The following PARD3B variants were observed in gnomAD, a reference collection of about 807,000 sequenced individuals.
PARD3B encodes the protein par-3 family cell polarity regulator beta, also known as partitioning defective 3 homolog B.
A neutral mutation model predicts 130.2 loss-of-function variants in PARD3B; 103 were observed. The observed-to-expected ratio is 0.79, with a 90% CI of 0.67 to 0.93. PARD3B has a LOEUF of 0.93. Ranked by LOEUF, PARD3B falls within the 40% of genes least tolerant of loss-of-function variation. The probability of loss-of-function intolerance (pLI) is 0.00; values close to 1 mark genes in which losing one functional copy is unlikely to be tolerated. For missense variants in PARD3B, 1,609 were observed against 1,499.2 expected (o/e 1.07, Z -1.21); for synonymous variants, 583 against 553.2 (o/e 1.05, Z -0.76).
chr2:204,957,193 A>G (rs923604153), intron 2 of PARD3B, among the ~76,000 whole-genome samples: 2 of 152,208 alleles, frequency 1.3e-5, no homozygotes, highest in African/African-American at 4.8e-5. Context: ...AAAAAATGTG[A>G]TTCAATATAA....
chr2:205,413,227 T>TA lies in PARD3B; in HGVS notation c.2741+12107dup, dbSNP rs200657911. 4.0e-3 allele frequency among the ~76,000 whole-genome samples: 607 copies of TA among 152,288 alleles called. 7 individuals are homozygous for TA. The highest frequency in any genetic ancestry group is 0.013 in the African/African-American group (559 of 41,564). ...TAAAATTTACATAACATGAAATACT[T>TA]AAAGTACCTAGAACTGTGCTTGGCA... is the stretch of plus-strand genomic sequence containing the variant. On this transcript the variant is annotated intron_variant, in intron 19 of 22. Coordinates refer to ENST00000406610, the MANE Select transcript of PARD3B (RefSeq NM_001302769.2).
chr2:205,279,826 C>T (rs532130035), intron 16 of PARD3B, among the ~76,000 whole-genome samples: 1 of 152,150 alleles, frequency 6.6e-6, no homozygotes, highest in Non-Finnish European at 1.5e-5. Flanking sequence ...GAGAGAGGCA[C>T]GTTCTGGGAA....
At chr2:204,594,434 A>G (rs1452329973) in intron 1 of PARD3B, among the ~76,000 whole-genome samples, 1 of 152,222 alleles carries the variant, frequency 6.6e-6, no homozygotes, top group Non-Finnish European at 1.5e-5. Context: ...ACTAGTGATT[A>G]TGCGTGGAGA....
At chr2:205,419,876 A>T (rs1183962039) in intron 19 of PARD3B, among the ~76,000 whole-genome samples, 2 of 152,230 alleles carry the variant, frequency 1.3e-5, no homozygotes, top group African/African-American at 4.8e-5. Context: ...TGAAAACTGC[A>T]GTGGAGAAGG....
Position 205,047,707 on chromosome 2 carries a change from T to C in PARD3B, c.504+17T>C. 4 of 1,493,096 alleles carry C rather than the reference T, an allele frequency of 2.7e-6. No homozygotes were observed. Among genetic ancestry groups the C allele is most frequent in the Non-Finnish European group, 2.7e-6 (3 of 1,094,568 alleles). 92.5% of individuals were successfully genotyped at this position (1,493,096 alleles called of 1,614,324 possible). A position where few individuals can be genotyped will look rare whatever the true frequency, so the allele number is the denominator to read the frequency against. The stretch of plus-strand genomic sequence containing the variant: ...GTTGTTCCAGTAGGTATCCTGCTGC[T>C]TGTAGTTCTAATGAAAGATCAAAGT... On this transcript the variant is annotated intron_variant, in intron 4 of 22. Coordinates refer to ENST00000406610, the MANE Select transcript of PARD3B (RefSeq NM_001302769.2).
At chr2:205,189,257 G>T (rs1479786060) in intron 14 of PARD3B, among the ~76,000 whole-genome samples, 1 of 152,166 alleles carries the variant, frequency 6.6e-6, no homozygotes, top group Non-Finnish European at 1.5e-5. Context: ...AGACATCATG[G>T]TTTTTGTCTT....
intron 2 of PARD3B, among the ~76,000 whole-genome samples, chr2:204,764,472 G>A (rs75106571): frequency 0.011 from 1,656 of 152,132 alleles, 32 homozygotes; most frequent in African/African-American, 0.037. Context: ...TTCTAAGCTC[G>A]TTTTTTGTTT....
At chr2:204,654,256 G>A (rs2035574846) in intron 1 of PARD3B, among the ~76,000 whole-genome samples, 1 of 151,284 alleles carries the variant, frequency 6.6e-6, no homozygotes, top group African/African-American at 2.5e-5. Context: ...TATCCAGGCT[G>A]AGGGGGGAAA....
At chr2:205,000,224 A>G (rs1694715075) in intron 3 of PARD3B, among the ~76,000 whole-genome samples, 1 of 152,170 alleles carries the variant, frequency 6.6e-6, no homozygotes, top group Admixed American at 6.5e-5. Flanking sequence ...TCCTATGGTA[A>G]TGGGTGCAGT....
At chr2:205,193,352 C>T in intron 15 of PARD3B, 32 bp downstream of exon 15, 1 of 1,469,150 alleles carries the variant, frequency 6.8e-7, no homozygotes. Context: ...TCCAGGTCAG[C>T]TCTCCAGCCT....
chr2:205,185,945 T>C, intron 14 of PARD3B, 82 bp downstream of exon 14: 2 of 1,112,000 alleles, frequency 1.8e-6, no homozygotes, highest in East Asian at 2.4e-5. Flanking sequence ...AGCAAACTTA[T>C]TTTAACTCTA....
intron 2 of PARD3B, among the ~76,000 whole-genome samples, chr2:204,934,240 T>C (rs1688240950): frequency 6.6e-6 from 1 of 152,186 alleles, no homozygotes; most frequent in African/African-American, 2.4e-5. Context: ...ACTGCAAGAT[T>C]TGCTAAAGGG....
chr2:205,353,541 T>C (rs185602224), intron 18 of PARD3B, among the ~76,000 whole-genome samples: 2 of 152,280 alleles, frequency 1.3e-5, no homozygotes, highest in East Asian at 3.9e-4. Context: ...GGTTATTCCT[T>C]GGTACATAGA....
In PARD3B at chr2:205,054,404, T is replaced by TATATATATATATATATATATATA. The variant is rs1699451825; in HGVS notation, c.504+6714_504+6715insATATATATATATATATATATATA. On this transcript the variant is annotated intron_variant, in intron 4 of 22. Coordinates refer to ENST00000406610, the MANE Select transcript of PARD3B (RefSeq NM_001302769.2). ...TAACAAGGTAACCATGACATGTCTT[T>TATATATATATATATATATATATA]TATATATATATATATATATATATAT... 8.9e-5 allele frequency among the ~76,000 whole-genome samples: 3 copies of TATATATATATATATATATATATA among 33,810 alleles called. 1 individual carries two copies. The highest frequency in any genetic ancestry group is 1.8e-4 in the Non-Finnish European group (3 of 17,052). The allele number at this position is 33,810 out of a possible 152,430, so 22.2% of individuals were successfully genotyped here. A position where few individuals can be genotyped will look rare whatever the true frequency, so the allele number is the denominator to read the frequency against.
intron 2 of PARD3B, among the ~76,000 whole-genome samples, chr2:204,804,722 C>G (rs555898728): frequency 6.6e-6 from 1 of 152,014 alleles, no homozygotes; most frequent in Non-Finnish European, 1.5e-5. Context: ...AAGGATAGAC[C>G]GTATGTTAGG....
chr2:205,002,397 T>G (rs1694920979), intron 3 of PARD3B, among the ~76,000 whole-genome samples: 1 of 152,146 alleles, frequency 6.6e-6, no homozygotes, highest in Non-Finnish European at 1.5e-5. Flanking sequence ...ATCTGTCCTA[T>G]TCCCACCCCT....
chr2:204,941,815 C>G (rs1011496190), intron 2 of PARD3B, among the ~76,000 whole-genome samples: 9 of 150,114 alleles, frequency 6.0e-5, no homozygotes, highest in Non-Finnish European at 1.2e-4. Flanking sequence ...TTAGAGTTCT[C>G]ATTATTGCAA....
intron 4 of PARD3B, among the ~76,000 whole-genome samples, chr2:205,102,170 G>A (rs1002905919): frequency 1.3e-5 from 2 of 151,916 alleles, no homozygotes; most frequent in African/African-American, 2.4e-5. Context: ...TAAATCTCTG[G>A]CTCAGAGAAA....
chr2:204,932,913 C>G (rs1182638399), intron 2 of PARD3B, among the ~76,000 whole-genome samples: 1 of 152,114 alleles, frequency 6.6e-6, no homozygotes, highest in South Asian at 2.1e-4. Context: ...GCCACTATCC[C>G]TTTGCCTAGC....
Sources: gnomAD v4.1 joint callset for allele counts (sites outside exome capture counted in the v4.1 genomes callset) on GRCh38, gnomAD v4.1.1 for gene constraint, MANE v1.5 for transcripts, NCBI Gene and HGNC (gene_info 2026-07-23, HGNC 2026-07-21) for gene names.